ANKRD44: variants seen among roughly 807,000 people sequenced by gnomAD.
ANKRD44 encodes serine/threonine-protein phosphatase 6 regulatory ankyrin repeat subunit B.
Under a neutral mutation model 116.0 loss-of-function variants are expected in ANKRD44, and 35 were observed. The ratio of observed to expected loss-of-function variants is 0.30; its 90% CI spans 0.23 to 0.40. The LOEUF is 0.40. ANKRD44 is among the 10% of genes least tolerant of loss of function. The probability of loss-of-function intolerance (pLI) is 1.00; values close to 1 mark genes in which losing one functional copy is unlikely to be tolerated. For synonymous variants in ANKRD44, 435 were observed against 461.8 expected (o/e 0.94, Z 0.74); for missense variants, 1,014 against 1,242.6 (o/e 0.82, Z 2.77).
chr2:197,099,739 T>C, intron 10 of ANKRD44, 77 bp downstream of exon 10: 1 of 1,574,690 alleles, frequency 6.4e-7, no homozygotes, highest in Non-Finnish European at 8.6e-7. Context: ...ATGGGAACTA[T>C]CTACTGCACG....
chr2:197,062,475 C>T (rs181219850), intron 16 of ANKRD44, among the ~76,000 whole-genome samples: 5 of 152,194 alleles, frequency 3.3e-5, no homozygotes, highest in African/African-American at 7.2e-5. Flanking sequence ...AATTGGATAC[C>T]CTACTTAGAA....
chr2:197,039,901 G>C (rs976181534), intron 16 of ANKRD44, among the ~76,000 whole-genome samples: 70 of 152,072 alleles, frequency 4.6e-4, no homozygotes, highest in Non-Finnish European at 1.8e-4. Flanking sequence ...AGGCAAAGAG[G>C]ATAATTTCAT....
At chr2:197,141,861 T>C (rs901054197) in intron 3 of ANKRD44, among the ~76,000 whole-genome samples, 7 of 152,248 alleles carry the variant, frequency 4.6e-5, no homozygotes, top group Non-Finnish European at 7.3e-5. Flanking sequence ...AAGAGTCTTG[T>C]TTACATGTCA....
chr2:197,196,198 A>G (rs1474461045), intron 1 of ANKRD44, among the ~76,000 whole-genome samples: 2 of 152,230 alleles, frequency 1.3e-5, no homozygotes, highest in Non-Finnish European at 2.9e-5. Context: ...AGTTGCAAAC[A>G]TGAGAGGTGG....
rs1254180634 is a variant in ANKRD44, at chr2:197,091,044, G to C, written c.1101-1012C>G. On this transcript the variant is annotated intron_variant, in intron 10 of 27. Transcript: ENST00000282272. ...AGGAACCACAAGTGCAGATATAAAAGGCTGTCACGCTGGCCCTTTGCCCTC... is the reference window on the plus strand; with the variant it reads ...AGGAACCACAAGTGCAGATATAAAACGCTGTCACGCTGGCCCTTTGCCCTC... 3.3e-5 allele frequency among the ~76,000 whole-genome samples: 5 copies of C among 152,350 alleles called. No individual in the cohort carries two copies. In the East Asian group the frequency reaches 9.6e-4, roughly 29 times the overall value.
intron 1 of ANKRD44, among the ~76,000 whole-genome samples, chr2:197,290,584 A>T (rs941622161): frequency 2.0e-4 from 30 of 152,316 alleles, no homozygotes; most frequent in South Asian, 2.1e-4. Flanking sequence ...ACTCATTTTA[A>T]AAAGAAAGAG....
At chr2:197,176,357 C>T (rs1001010995) in intron 2 of ANKRD44, among the ~76,000 whole-genome samples, 2 of 152,178 alleles carry the variant, frequency 1.3e-5, no homozygotes, top group African/African-American at 4.8e-5. Context: ...GATATACATA[C>T]ATCATCTCAT....
chr2:197,006,038 T>A, intron 20 of ANKRD44, 128 bp from the exon 21 acceptor site: 1 of 814,220 alleles, frequency 1.2e-6, no homozygotes, highest in African/African-American at 1.7e-5. Flanking sequence ...GCAGACTCTG[T>A]CCTATTTCAA....
chr2:197,151,587 G>A (rs768347689), intron 2 of ANKRD44, among the ~76,000 whole-genome samples: 1 of 151,924 alleles, frequency 6.6e-6, no homozygotes, highest in Non-Finnish European at 1.5e-5. Flanking sequence ...GAGGAGAAAG[G>A]AAAAATAAGC....
At chr2:197,274,486 T>C (rs1036351918) in intron 1 of ANKRD44, among the ~76,000 whole-genome samples, 1 of 152,144 alleles carries the variant, frequency 6.6e-6, no homozygotes, top group Non-Finnish European at 1.5e-5. Flanking sequence ...ACCATTCCTG[T>C]GACAACCTGC....
At chr2:197,046,803 GGTAAA>G (rs1233036708) in intron 16 of ANKRD44, among the ~76,000 whole-genome samples, 14 of 151,988 alleles carry the variant, frequency 9.2e-5, no homozygotes, top group Admixed American at 9.2e-4. Context: ...ATCCTTAATA[GGTAAA>G]GTAAAATATG....
chr2:196,989,315 A>T lies in ANKRD44; in HGVS notation c.*276T>A. 1 of 1,027,534 alleles carries T rather than the reference A, an allele frequency of 9.7e-7. No homozygotes were observed. Among genetic ancestry groups the T allele is most frequent in the South Asian group, 4.5e-5 (1 of 22,156 alleles). The allele number at this position is 1,027,534 out of a possible 1,614,324, so 63.7% of individuals were successfully genotyped here. ...AAAAGGTCAGCACATCATCAGTTAC[A>T]AATGTTAAGTGGTCAACTAGAAATC... is the stretch of plus-strand genomic sequence containing the variant. On this transcript the variant is annotated 3_prime_UTR_variant, in exon 28 of 28. Coordinates refer to ENST00000282272, the MANE Select transcript of ANKRD44 (RefSeq NM_001195144.2).
chr2:197,157,142 G>A (rs998254289), intron 2 of ANKRD44, among the ~76,000 whole-genome samples: 2 of 151,274 alleles, frequency 1.3e-5, no homozygotes, highest in Non-Finnish European at 2.9e-5. Context: ...ACATAAGCAG[G>A]CAAATAAAAC....
At chr2:197,003,203 C>T (rs1348030459) in intron 21 of ANKRD44, among the ~76,000 whole-genome samples, 2 of 151,198 alleles carry the variant, frequency 1.3e-5, no homozygotes, top group South Asian at 2.1e-4. Context: ...TCCAGCTACT[C>T]GGGAGGCTGA....
At chr2:197,310,537 C>G in intron 1 of ANKRD44, 41 bp downstream of exon 1, 1 of 1,072,630 alleles carries the variant, frequency 9.3e-7, no homozygotes, top group Non-Finnish European at 1.1e-6. Flanking sequence ...CGCGCCGCCC[C>G]GCGCCCGCGC....
chr2:197,064,503 T>C (rs926977046), intron 16 of ANKRD44, among the ~76,000 whole-genome samples: 1 of 152,148 alleles, frequency 6.6e-6, no homozygotes, highest in African/African-American at 2.4e-5. Context: ...AGACAGAGAC[T>C]GGCAAATTGG....
At chr2:197,193,824 G>A (rs2080882810) in intron 1 of ANKRD44, among the ~76,000 whole-genome samples, 1 of 152,204 alleles carries the variant, frequency 6.6e-6, no homozygotes, top group South Asian at 2.1e-4. Context: ...AGAGCTTGCA[G>A]TGAGCCGAGA....
chr2:197,301,973 G>A (rs1031709107), intron 1 of ANKRD44, among the ~76,000 whole-genome samples: 2 of 152,222 alleles, frequency 1.3e-5, no homozygotes, highest in Non-Finnish European at 2.9e-5. Context: ...TGGTCAGAAA[G>A]GGACTCACTG....
At chr2:197,308,676 GAAAT>G (rs929136952) in intron 1 of ANKRD44, among the ~76,000 whole-genome samples, 2 of 152,316 alleles carry the variant, frequency 1.3e-5, no homozygotes, top group Non-Finnish European at 2.9e-5. Context: ...GGGAAGGAAG[GAAAT>G]ATACTTGGAA....
Sources: gnomAD v4.1 joint callset for allele counts (sites outside exome capture counted in the v4.1 genomes callset) on GRCh38, gnomAD v4.1.1 for gene constraint, MANE v1.5 for transcripts, NCBI Gene and HGNC (gene_info 2026-07-23, HGNC 2026-07-21) for gene names.